Variants in NYAP2 observed in about 807,000 individuals in gnomAD.
NYAP2 encodes neuronal tyrosine-phosphorylated phosphoinositide-3-kinase adaptor 2.
NYAP2 carries 23 observed loss-of-function variants against 50.4 expected under a neutral mutation model. The ratio of observed to expected loss-of-function variants is 0.46; its 90% CI spans 0.33 to 0.65. The LOEUF is 0.65. Ranked by LOEUF, NYAP2 falls within the 30% of genes least tolerant of loss-of-function variation. The pLI, the probability that NYAP2 is intolerant of heterozygous loss-of-function variation, is 0.02. For missense variants in NYAP2, 885 were observed against 861.0 expected (o/e 1.03, Z -0.35); for synonymous variants, 394 against 365.2 (o/e 1.08, Z -0.90).
chr2:225,509,462 T>C (rs1243451659), intron 3 of NYAP2, among the ~76,000 whole-genome samples: 2 of 152,130 alleles, frequency 1.3e-5, no homozygotes, highest in Non-Finnish European at 2.9e-5. Flanking sequence ...CAGGCTGGAG[T>C]GGTGCAGTGG....
intron 3 of NYAP2, among the ~76,000 whole-genome samples, chr2:225,425,390 A>G (rs140831717): frequency 2.1e-4 from 32 of 152,324 alleles, no homozygotes; most frequent in African/African-American, 7.7e-4. Context: ...AATTTATCCA[A>G]CAAGTAAGGG....
At chr2:225,679,931 C>A in the NYAP2 span, among the ~76,000 whole-genome samples, 1 of 152,154 alleles carries the variant, frequency 6.6e-6, no homozygotes, top group African/African-American at 2.4e-5. Flanking sequence ...TACCACCCAG[C>A]TCTTGAGAGT....
chr2:225,474,853 T>C (rs1690077500), intron 3 of NYAP2, among the ~76,000 whole-genome samples: 1 of 152,244 alleles, frequency 6.6e-6, no homozygotes, highest in African/African-American at 2.4e-5. Flanking sequence ...CTATGTTGAA[T>C]AGGAGTGGTG....
intron 4 of NYAP2, among the ~76,000 whole-genome samples, chr2:225,561,386 G>A (rs1445505377): frequency 6.6e-6 from 1 of 152,106 alleles, no homozygotes; most frequent in African/African-American, 2.4e-5. Context: ...GAGGTGGCTG[G>A]AACAGAGTGA....
chr2:225,465,852 T>G (rs78935611), intron 3 of NYAP2, among the ~76,000 whole-genome samples: 6 of 152,324 alleles, frequency 3.9e-5, no homozygotes, highest in African/African-American at 1.4e-4. Context: ...TACTAAAGTG[T>G]ACTTAATCTT....
At chr2:225,549,887 A>T (rs929376906) in intron 4 of NYAP2, among the ~76,000 whole-genome samples, 4 of 152,132 alleles carry the variant, frequency 2.6e-5, no homozygotes, top group African/African-American at 9.7e-5. Context: ...TGGGAGGCTG[A>T]GGCAGGAGAA....
rs182953653 is a variant in NYAP2 at position 225,430,512 on chromosome 2, C to T, written c.221+21411C>T. On this transcript the variant is annotated intron_variant, in intron 3 of 6. Transcript: ENST00000636099. Reference sequence around the variant, plus strand: ...CTGCTTCTGTTATGGTGGATGATACCACTAACATCTACCACACACTGACAA... The same window carrying T: ...CTGCTTCTGTTATGGTGGATGATACTACTAACATCTACCACACACTGACAA... 3.3e-5 allele frequency among the ~76,000 whole-genome samples: 5 copies of T among 152,168 alleles called. No individual in the cohort carries two copies. The East Asian group carries it at 5.8e-4, about 18-fold the overall frequency.
intron 5 of NYAP2, among the ~76,000 whole-genome samples, chr2:225,606,822 A>G (rs999321385): frequency 2.6e-5 from 4 of 152,106 alleles, no homozygotes; most frequent in Admixed American, 6.6e-5. Context: ...AATTATAGGC[A>G]TGGTTTCTTT....
intron 6 of NYAP2, among the ~76,000 whole-genome samples, chr2:225,642,829 C>T (rs1022904316): frequency 2.0e-5 from 3 of 152,106 alleles, no homozygotes; most frequent in Admixed American, 2.0e-4. Flanking sequence ...AGAAAAATGA[C>T]AGATGACCAT....
intron 3 of NYAP2, among the ~76,000 whole-genome samples, chr2:225,410,008 G>A (rs1269869431): frequency 6.6e-6 from 1 of 151,880 alleles, no homozygotes; most frequent in Non-Finnish European, 1.5e-5. Context: ...CATCTAATCT[G>A]GCATTAATAC....
intron 3 of NYAP2, among the ~76,000 whole-genome samples, chr2:225,490,808 T>A (rs1690390791): frequency 6.6e-6 from 1 of 152,218 alleles, no homozygotes. Flanking sequence ...TGTCTTAAAC[T>A]TTGTTATTAG....
upstream of NYAP2, among the ~76,000 whole-genome samples, chr2:225,398,082 G>T (rs896922838): frequency 2.0e-5 from 3 of 151,856 alleles, no homozygotes; most frequent in Non-Finnish European, 4.4e-5. Context: ...TGAGGAAATG[G>T]CAGATTCTTC....
At chr2:225,666,955 T>C in the NYAP2 span, among the ~76,000 whole-genome samples, 1 of 151,634 alleles carries the variant, frequency 6.6e-6, no homozygotes, top group Non-Finnish European at 1.5e-5. Flanking sequence ...TTCTTCTTTG[T>C]CATGTAATGT....
intron 6 of NYAP2, among the ~76,000 whole-genome samples, chr2:225,650,052 T>C (rs754619346): frequency 4.6e-5 from 7 of 152,140 alleles, no homozygotes; most frequent in Non-Finnish European, 1.0e-4. Context: ...CATTGTTGAA[T>C]AGGTGGAAAC....
chr2:225,596,856 A>G (rs2106238927), intron 5 of NYAP2, among the ~76,000 whole-genome samples: 1 of 152,308 alleles, frequency 6.6e-6, no homozygotes, highest in Non-Finnish European at 1.5e-5. Flanking sequence ...AATGAATATC[A>G]TGTTGTCGAC....
intron 3 of NYAP2, among the ~76,000 whole-genome samples, chr2:225,468,154 A>C (rs777913013): frequency 9.2e-5 from 14 of 152,198 alleles, no homozygotes; most frequent in Non-Finnish European, 2.1e-4. Flanking sequence ...CCTTATTTGG[A>C]AATAAAGTCT....
chr2:225,458,176 T>C (rs1186150575), intron 3 of NYAP2, among the ~76,000 whole-genome samples: 8 of 152,170 alleles, frequency 5.3e-5, no homozygotes, highest in Non-Finnish European at 1.5e-5. Flanking sequence ...TGAATCTCTT[T>C]TGTATTCTAC....
intron 3 of NYAP2, among the ~76,000 whole-genome samples, chr2:225,434,673 A>G (rs1689345628): frequency 6.6e-6 from 1 of 152,190 alleles, no homozygotes; most frequent in African/African-American, 2.4e-5. Flanking sequence ...AAGACTGTAC[A>G]CTGTCTTATT....
At chr2:225,423,262 C>G (rs1043593341) in intron 3 of NYAP2, among the ~76,000 whole-genome samples, 6 of 152,178 alleles carry the variant, frequency 3.9e-5, no homozygotes, top group Non-Finnish European at 2.9e-5. Context: ...GTGGATTTGT[C>G]ATTAATGCAG....
Sources: gnomAD v4.1 joint callset for allele counts (sites outside exome capture counted in the v4.1 genomes callset) on GRCh38, gnomAD v4.1.1 for gene constraint, MANE v1.5 for transcripts, NCBI Gene and HGNC (gene_info 2026-07-23, HGNC 2026-07-21) for gene names.